Variants in MRC1 observed in about 807,000 individuals in gnomAD.
MRC1 encodes the protein mannose receptor C-type 1.
A neutral mutation model predicts 102.9 loss-of-function variants in MRC1; 62 were observed. The ratio of observed to expected loss-of-function variants is 0.60; its 90% CI spans 0.49 to 0.74. The LOEUF (loss-of-function observed/expected upper bound fraction) is 0.74. MRC1 is among the 30% of genes least tolerant of loss of function. The pLI, the probability that MRC1 is intolerant of heterozygous loss-of-function variation, is 0.00. For missense variants in MRC1, 1,237 were observed against 862.8 expected, an observed-to-expected ratio of 1.43 and a Z score of -5.43; for synonymous variants, 457 against 298.4, an observed-to-expected ratio of 1.53 and a Z score of -5.48.
At chr10:17,874,554 A>C (rs979171000) in intron 16 of MRC1, among the ~76,000 whole-genome samples, 1 of 152,302 alleles carries the variant, frequency 6.6e-6, no homozygotes, top group Admixed American at 6.5e-5. Context: ...GGAACTAGAT[A>C]CCTTTGGGAG....
At chr10:17,880,982 A>G in intron 20 of MRC1, 85 bp from the exon 21 acceptor site, 1 of 768,618 alleles carries the variant, frequency 1.3e-6, no homozygotes, top group Non-Finnish European at 2.4e-6. Flanking sequence ...TTCATGAATA[A>G]TTTTGCTTTT....
chr10:17,853,395 G>A (rs1434137012), intron 8 of MRC1, among the ~76,000 whole-genome samples: 1 of 151,904 alleles, frequency 6.6e-6, no homozygotes, highest in African/African-American at 2.4e-5. Flanking sequence ...TTGTTTCTAT[G>A]GCACTATATA....
chr10:17,833,085 A>G (rs1276877688), intron 3 of MRC1, among the ~76,000 whole-genome samples: 2 of 151,140 alleles, frequency 1.3e-5, no homozygotes, highest in Non-Finnish European at 2.9e-5. Flanking sequence ...TCCCAACTCA[A>G]TTGATCCCGA....
intron 1 of MRC1, among the ~76,000 whole-genome samples, chr10:17,811,916 G>C (rs961463254): frequency 9.9e-5 from 15 of 151,948 alleles, no homozygotes; most frequent in African/African-American, 2.9e-4. Flanking sequence ...TTCTTGGCCC[G>C]AGAAGCATGT....
At chr10:17,845,030 G>T (rs952553260) in intron 5 of MRC1, 25 of 723,030 alleles carry the variant, frequency 3.5e-5, no homozygotes, top group Non-Finnish European at 6.3e-5. Context: ...GCTGATAATG[G>T]GGGAAAGGGT....
At chr10:17,817,258 AAAAAAAAAAG>A (rs1204791933) in intron 1 of MRC1, among the ~76,000 whole-genome samples, 4 of 151,896 alleles carry the variant, frequency 2.6e-5, no homozygotes, top group African/African-American at 9.7e-5. Flanking sequence ...AAAAAAAAAA[AAAAAAAAAAG>A]AAAGAAAATC....
intron 4 of MRC1, among the ~76,000 whole-genome samples, chr10:17,834,226 T>C (rs1838626191): frequency 6.6e-6 from 1 of 152,056 alleles, no homozygotes; most frequent in Non-Finnish European, 1.5e-5. Flanking sequence ...CTCATAGAGG[T>C]CAAAATGATA....
At position 17,848,642 on chromosome 10, in the gene MRC1, T is replaced by C. The variant is rs955549398; in HGVS notation, c.1064-937T>C. 1.4e-3 allele frequency among the ~76,000 whole-genome samples: 219 copies of C among 152,334 alleles called. 2 individuals are homozygous for C. Among genetic ancestry groups the C allele is most frequent in the African/African-American group, 4.9e-3 (205 of 41,584 alleles). The stretch of plus-strand genomic sequence containing the variant: ...GTTCAGAAGAACATGGGGTGGGTGG[T>C]TTGATATTAGTGTTAGTACTAATCT... On this transcript the variant is annotated intron_variant, in intron 6 of 29. Coordinates refer to ENST00000569591, the MANE Select transcript of MRC1 (RefSeq NM_002438.4).
chr10:17,870,786 A>G (rs1833344074), intron 13 of MRC1, 62 bp from the exon 14 acceptor site: 1 of 861,104 alleles, frequency 1.2e-6, no homozygotes, highest in Non-Finnish European at 2.0e-6. Context: ...GTTAGTCCTC[A>G]TAAGTTACTG....
At chr10:17,894,662 GTGCTGGGAT>G (rs1221406858) in intron 23 of MRC1, among the ~76,000 whole-genome samples, 1 of 151,936 alleles carries the variant, frequency 6.6e-6, no homozygotes, top group African/African-American at 2.4e-5. Context: ...GCCTCCCAAA[GTGCTGGGAT>G]TACAGGAGTA....
intron 22 of MRC1, among the ~76,000 whole-genome samples, chr10:17,889,661 A>G (rs1271913646): frequency 6.6e-6 from 1 of 152,252 alleles, no homozygotes; most frequent in Non-Finnish European, 1.5e-5. Flanking sequence ...AACAGCACAT[A>G]AGAAAGCATC....
intron 18 of MRC1, among the ~76,000 whole-genome samples, chr10:17,878,658 T>C (rs1331280112): frequency 3.3e-5 from 5 of 151,984 alleles, no homozygotes. Context: ...AAATTCAAGG[T>C]CATTATTTTT....
Sources: gnomAD v4.1 joint callset for allele counts (sites outside exome capture counted in the v4.1 genomes callset) on GRCh38, gnomAD v4.1.1 for gene constraint, MANE v1.5 for transcripts, NCBI Gene and HGNC (gene_info 2026-07-23, HGNC 2026-07-21) for gene names.